The following ACOT11 variants were observed in gnomAD, a reference collection of about 807,000 sequenced individuals.
ACOT11 encodes acyl-CoA thioesterase 11.
A neutral mutation model predicts 77.5 loss-of-function variants in ACOT11; 69 were observed. That is an observed-to-expected ratio of 0.89 (90% CI 0.73 to 1.09). The LOEUF (loss-of-function observed/expected upper bound fraction) is 1.09. ACOT11 is among the 50% of genes least tolerant of loss of function. The pLI is 0.00. For synonymous variants in ACOT11, 279 were observed against 313.0 expected (o/e 0.89, Z 1.15); for missense variants, 766 against 813.7 (o/e 0.94, Z 0.71).
intron 1 of ACOT11, among the ~76,000 whole-genome samples, chr1:54,568,427 C>T (rs922470246): frequency 2.3e-5 from 3 of 132,182 alleles, no homozygotes; most frequent in Admixed American, 8.8e-5. Flanking sequence ...TACAATGGTG[C>T]GACCTCGGCT....
At chr1:54,595,695 A>G (rs1654875303) in intron 6 of ACOT11, among the ~76,000 whole-genome samples, 1 of 152,230 alleles carries the variant, frequency 6.6e-6, no homozygotes, top group African/African-American at 2.4e-5. Context: ...ATACCAGTAC[A>G]GAAAGATCTA....
intron 1 of ACOT11, among the ~76,000 whole-genome samples, chr1:54,573,967 T>A (rs1385300595): frequency 1.3e-5 from 2 of 150,544 alleles, no homozygotes; most frequent in African/African-American, 4.9e-5. Flanking sequence ...AGGTGGAGGT[T>A]GTGGTGAGCC....
intron 4 of ACOT11, among the ~76,000 whole-genome samples, 153 bp from the exon 5 acceptor site, chr1:54,593,788 C>T (rs1557659897): frequency 6.6e-6 from 1 of 152,188 alleles, no homozygotes; most frequent in South Asian, 2.1e-4. Flanking sequence ...CAAACCCCCC[C>T]TCAGATCTCT....
At position 54,572,857 on chromosome 1, in the gene ACOT11, G is replaced by A. The variant is rs931562106; in HGVS notation, c.34-11798G>A. 24 of 891,680 alleles carry A rather than the reference G, an allele frequency of 2.7e-5. No homozygotes were observed. In the East Asian group the frequency reaches 6.0e-4, roughly 22 times the overall value. 55.2% of individuals were successfully genotyped at this position (891,680 alleles called of 1,614,324 possible). On this transcript the variant is annotated intron_variant, in intron 1 of 15. Transcript: ENST00000343744. ...GGACAGCCACCAGAGGCAGTGTGGC[G>A]GGCTGAGATTTCTGCACCTGAGAGA...
In ACOT11 at chr1:54,599,635, G is replaced by C. The variant is rs571769081; in HGVS notation, c.884+220G>C. Reference sequence around the variant, plus strand: ...CCTGCCCACCCCTGGCTGGGTCAGGGACCCCTCCTCTGGGATCCCCCAGCC... The same window carrying C: ...CCTGCCCACCCCTGGCTGGGTCAGGCACCCCTCCTCTGGGATCCCCCAGCC... On this transcript the variant is annotated intron_variant, in intron 8 of 15. Transcript: ENST00000343744. The C allele has an allele frequency of 3.6e-4, 127 of 351,418 alleles. 1 individual carries two copies. Among genetic ancestry groups the C allele is most frequent in the African/African-American group, 2.6e-3 (122 of 47,382 alleles). The allele number at this position is 351,418 out of a possible 1,614,324, so 21.8% of individuals were successfully genotyped here. A position where few individuals can be genotyped will look rare whatever the true frequency, so the allele number is the denominator to read the frequency against.
At chr1:54,620,055 C>A in intron 15 of ACOT11, 1 of 1,594,256 alleles carries the variant, frequency 6.3e-7, no homozygotes, top group Admixed American at 1.7e-5. Flanking sequence ...CGCCCCAGCC[C>A]AAGACTCATG....
Position 54,609,048 on chromosome 1 carries a change from A to C in ACOT11, c.1721A>C (p.Lys574Thr), listed in dbSNP as rs1644075202. 1 of 1,613,976 alleles carries C rather than the reference A, an allele frequency of 6.2e-7. No homozygotes were observed. Among genetic ancestry groups the C allele is most frequent in the Non-Finnish European group, 8.5e-7 (1 of 1,180,008 alleles). ...GLSSEFYTTF[K>T]ACEQFLLDNR... Reference sequence around the variant, plus strand: ...TCCTCTGAGTTCTACACCACCTTCAAGGCTTGTGAGCAGTTTCTCTTGGAC... The same window carrying C: ...TCCTCTGAGTTCTACACCACCTTCACGGCTTGTGAGCAGTTTCTCTTGGAC... The change falls in exon 16 of 16, where the codon AAG becomes ACG. Residue 574 changes from lysine to threonine, a missense_variant. Lys to Thr is a moderately conservative substitution (Grantham distance 78, BLOSUM62 -1). Coordinates refer to ENST00000343744, the MANE Select transcript of ACOT11 (RefSeq NM_147161.4).
rs748722820 is a variant in ACOT11, at chr1:54,609,851, A to T, written c.*739A>T. The T allele has an allele frequency of 1.9e-5, 30 of 1,613,914 alleles. No individual in the cohort carries two copies. Among genetic ancestry groups the T allele is most frequent in the Admixed American group, 6.7e-5 (4 of 60,014 alleles). The stretch of plus-strand genomic sequence containing the variant: ...CTGCAGGCAGGACTCCAGCGTCAGG[A>T]TGTTGCCACTTGGAGTATGAACAAT... On this transcript the variant is annotated 3_prime_UTR_variant, in exon 16 of 16. Transcript: ENST00000343744.
chr1:54,612,606 A>G (rs1644131136), downstream of ACOT11: 2 of 1,613,882 alleles, frequency 1.2e-6, no homozygotes, highest in African/African-American at 2.7e-5. Context: ...CTTCTCCACC[A>G]TGGCTTGGGT....
chr1:54,563,203 T>A (rs1300919092), intron 1 of ACOT11, among the ~76,000 whole-genome samples: 1 of 152,220 alleles, frequency 6.6e-6, no homozygotes, highest in East Asian at 1.9e-4. Context: ...CCAAGGCTGG[T>A]CTTGAACTCC....
At chr1:54,621,456 CA>C (rs1275088478) in intron 15 of ACOT11, 53 of 151,578 alleles carry the variant, frequency 3.5e-4, no homozygotes, top group African/African-American at 1.3e-3. Flanking sequence ...GACTCTGTCT[CA>C]AAATAAATAA....
chr1:54,637,001 CAGA>C (rs1166052230), exon 17 of ACOT11: 3 of 155,664 alleles, frequency 1.9e-5, no homozygotes, highest in African/African-American at 2.4e-5. Flanking sequence ...CATCTCAAGG[CAGA>C]AGAATTTTTC....
chr1:54,577,557 T>TCATTTATTAATGGATATA (rs1557653721), intron 1 of ACOT11, among the ~76,000 whole-genome samples: 2 of 150,744 alleles, frequency 1.3e-5, no homozygotes, highest in African/African-American at 4.9e-5. Flanking sequence ...ATATTACAAT[T>TCATTTATTAATGGATATA]TATTCATTTA....
intron 16 of ACOT11, among the ~76,000 whole-genome samples, chr1:54,633,506 G>A (rs1644313296): frequency 6.6e-6 from 1 of 152,210 alleles, no homozygotes; most frequent in African/African-American, 2.4e-5. Context: ...ACCTTTAGCT[G>A]AGCAAGACTG....
chr1:54,595,905 A>G (rs371581288), intron 6 of ACOT11, among the ~76,000 whole-genome samples: 1 of 152,046 alleles, frequency 6.6e-6, no homozygotes, highest in South Asian at 2.1e-4. Flanking sequence ...AGCAGGCAGA[A>G]CTCGCCAAGC....
intron 15 of ACOT11, chr1:54,623,354 C>T: frequency 3.7e-6 from 6 of 1,613,928 alleles, no homozygotes; most frequent in Non-Finnish European, 5.1e-6. Context: ...CGGCAAACAC[C>T]CACTTGACCT....
downstream of ACOT11, chr1:54,612,460 G>A (rs1363283167): frequency 6.4e-7 from 1 of 1,560,978 alleles, no homozygotes; most frequent in Non-Finnish European, 8.8e-7. Flanking sequence ...CTCCAGGAGG[G>A]TGGGGGTGGG....
intron 1 of ACOT11, among the ~76,000 whole-genome samples, chr1:54,577,158 A>G (rs1654144368): frequency 1.3e-5 from 2 of 152,224 alleles, no homozygotes. Flanking sequence ...AATTCACATA[A>G]TGTAAACTTA....
chr1:54,634,715 C>A, exon 17 of ACOT11: 1 of 702,550 alleles, frequency 1.4e-6, no homozygotes, highest in Non-Finnish European at 2.6e-6. Context: ...ATTTGGATAC[C>A]TTCAAGACAC....
Sources: gnomAD v4.1 joint callset for allele counts (sites outside exome capture counted in the v4.1 genomes callset) on GRCh38, gnomAD v4.1.1 for gene constraint, MANE v1.5 for transcripts, NCBI Gene and HGNC (gene_info 2026-07-23, HGNC 2026-07-21) for gene names.